The following FRMPD4 variants were observed in gnomAD, a reference collection of about 807,000 sequenced individuals.
FRMPD4 encodes FERM and PDZ domain containing 4.
In FRMPD4, 22 loss-of-function variants were observed where a neutral mutation model predicts 94.1. The observed-to-expected ratio is 0.23, with a 90% CI of 0.17 to 0.33. The LOEUF (loss-of-function observed/expected upper bound fraction) is 0.33. FRMPD4 is among the 10% of genes least tolerant of loss of function. The pLI is 1.00. For synonymous variants in FRMPD4, 631 were observed against 548.6 expected (o/e 1.15, Z -2.10); for missense variants, 1,111 against 1,339.9 (o/e 0.83, Z 2.67).
At chrX:12,308,622 C>G (rs182368042) in intron 1 of FRMPD4, among the ~76,000 whole-genome samples, 1 of 111,175 alleles carries the variant, frequency 9.0e-6, no homozygotes, top group Non-Finnish European at 1.9e-5. Flanking sequence ...ATGAAGCGTG[C>G]CACAACAGAC....
chrX:12,341,118 A>G (rs1343447325), intron 1 of FRMPD4, among the ~76,000 whole-genome samples: 2 of 112,065 alleles, frequency 1.8e-5, no homozygotes, highest in South Asian at 3.7e-4. Context: ...AATCTCTAAA[A>G]TGACTGAGTT....
At chrX:12,039,048 T>C (rs762641518) in intron 3 of FRMPD4, among the ~76,000 whole-genome samples, 2 of 109,301 alleles carry the variant, frequency 1.8e-5, no homozygotes, top group East Asian at 5.7e-4. Flanking sequence ...ATGATCAGAG[T>C]GGTGCAGTGG....
intron 2 of FRMPD4, among the ~76,000 whole-genome samples, chrX:12,519,258 A>G (rs1347330694): frequency 2.7e-5 from 3 of 112,484 alleles, no homozygotes; most frequent in African/African-American, 9.7e-5. Flanking sequence ...TTAAAAGAAA[A>G]CCAAATTGGA....
At chrX:12,191,517 G>T (rs762754952) in intron 1 of FRMPD4, among the ~76,000 whole-genome samples, 1 of 112,168 alleles carries the variant, frequency 8.9e-6, no homozygotes, top group South Asian at 3.7e-4. Flanking sequence ...TTAGATGAAT[G>T]AATAAATTGT....
chrX:12,628,396 A>T (rs929843114), intron 4 of FRMPD4, among the ~76,000 whole-genome samples: 1 of 111,249 alleles, frequency 9.0e-6, no homozygotes, highest in Non-Finnish European at 1.9e-5. Context: ...TCTGTCTTTG[A>T]CTACTCACCT....
chrX:12,667,045 ACT>A (rs1219049882), intron 4 of FRMPD4, among the ~76,000 whole-genome samples: 1 of 112,584 alleles, frequency 8.9e-6, no homozygotes, highest in Admixed American at 9.4e-5. Context: ...AGAGTTCAAC[ACT>A]GTTTCACTGC....
intron 1 of FRMPD4, among the ~76,000 whole-genome samples, chrX:12,488,044 T>G (rs968229935): frequency 3.6e-5 from 4 of 112,308 alleles, no homozygotes; most frequent in Non-Finnish European, 7.5e-5. Flanking sequence ...CAACATATTT[T>G]AGCACCAGTG....
chrX:12,531,680 G>A (rs751282971), intron 2 of FRMPD4, among the ~76,000 whole-genome samples: 2 of 111,310 alleles, frequency 1.8e-5, no homozygotes, highest in Non-Finnish European at 3.8e-5. Flanking sequence ...GACACAGTTA[G>A]GCTGTCAACT....
intron 3 of FRMPD4, among the ~76,000 whole-genome samples, chrX:12,069,256 G>A (rs918035070): frequency 2.5e-4 from 28 of 111,906 alleles, no homozygotes; most frequent in African/African-American, 8.4e-4. Context: ...TGGTAGCAAG[G>A]TCAGAGAAGT....
At chrX:12,205,109 A>T (rs1346889055) in intron 1 of FRMPD4, among the ~76,000 whole-genome samples, 1 of 97,396 alleles carries the variant, frequency 1.0e-5, no homozygotes, top group Non-Finnish European at 2.1e-5. Flanking sequence ...AAAAAAAAAA[A>T]GGCTTTTTAA....
In FRMPD4 at chrX:12,498,752, A is replaced by G; in HGVS notation, c.114A>G (p.Gly38=). The G allele has an allele frequency of 1.7e-6, 2 of 1,194,681 alleles. No homozygotes were observed. The highest frequency in any genetic ancestry group is 2.3e-6 in the Non-Finnish European group (2 of 883,000). Residue 38 remains glycine (G), a synonymous_variant, in exon 2 of 17, where the codon GGA becomes GGG. Transcript: ENST00000675598. ...TWGLSQVPPY[G]WEMTANRDGR... ...GCTTGAGCCAGGTGCCGCCCTATGG[A>G]TGGGAGATGACGGCAAACCGAGATG...
At chrX:12,437,209 T>G (rs2057076794) in intron 1 of FRMPD4, among the ~76,000 whole-genome samples, 1 of 110,857 alleles carries the variant, frequency 9.0e-6, no homozygotes, top group South Asian at 3.8e-4. Context: ...TAAAGTTAAT[T>G]AGTAGTTGCC....
chrX:11,949,590 G>A (rs762478558), intron 3 of FRMPD4, among the ~76,000 whole-genome samples: 1 of 112,248 alleles, frequency 8.9e-6, no homozygotes, highest in Admixed American at 9.4e-5. Flanking sequence ...GTATACGCAT[G>A]TGTTGGTAAG....
chrX:12,282,046 T>C (rs1232418933), intron 1 of FRMPD4, among the ~76,000 whole-genome samples: 1 of 112,488 alleles, frequency 8.9e-6, no homozygotes, highest in Non-Finnish European at 1.9e-5. Flanking sequence ...TTGATACAAA[T>C]TTAATCATAA....
In FRMPD4 at chrX:12,262,392, G is replaced by T. The variant is rs931877556; in HGVS notation, c.41+123380G>T. Among the ~76,000 whole-genome samples the T allele has an allele frequency of 1.3e-4, 14 of 111,774 alleles. No homozygotes were observed. In the South Asian group the frequency reaches 5.3e-3, roughly 42 times the overall value. ...CCCAATGTGCTGGGATTATGGGCAT[G>T]AACCACCATGTATCTGGCCCTATAC... On this transcript the variant is annotated intron_variant, in intron 1 of 16. Transcript: ENST00000675598.
rs1344530930 is a variant in FRMPD4, at chrX:11,909,088, C to A, written c.95+31070C>A. Among the ~76,000 whole-genome samples, 7 of 111,208 alleles carry A rather than the reference C, an allele frequency of 6.3e-5. No homozygotes were observed. The Admixed American group carries it at 6.7e-4, about 11-fold the overall frequency. On this transcript the variant is annotated intron_variant, in intron 3 of 18. Coordinates refer to the FRMPD4 transcript ENST00000640291. ...CCTCATAAAATGAACTAAACATATT[C>A]CCCCCATGCTATTTCCTGGAAAAGT... is the stretch of plus-strand genomic sequence containing the variant.
At chrX:12,240,137 G>A (rs2057112683) in intron 1 of FRMPD4, among the ~76,000 whole-genome samples, 1 of 112,670 alleles carries the variant, frequency 8.9e-6, no homozygotes, top group Non-Finnish European at 1.9e-5. Context: ...ATGCTCATTT[G>A]TGTACTTATT....
At chrX:12,626,821 A>G (rs2059351153) in intron 4 of FRMPD4, among the ~76,000 whole-genome samples, 1 of 108,133 alleles carries the variant, frequency 9.2e-6, no homozygotes, top group Admixed American at 1.0e-4. Flanking sequence ...AGATCCTAGC[A>G]CACCTGTCTT....
chrX:12,077,802 G>A (rs2055032241), intron 3 of FRMPD4, among the ~76,000 whole-genome samples: 1 of 111,631 alleles, frequency 9.0e-6, no homozygotes, highest in South Asian at 3.8e-4. Context: ...AGCCAATAAA[G>A]AAGAGTATTA....
Sources: allele counts gnomAD v4.1 joint callset (sites outside exome capture counted in the v4.1 genomes callset), GRCh38; gene constraint gnomAD v4.1.1; transcripts MANE v1.5; gene names NCBI Gene and HGNC (gene_info 2026-07-23, HGNC 2026-07-21).